OCIAD1: variants seen among roughly 807,000 people sequenced by gnomAD.
OCIAD1 encodes OCIA domain-containing protein 1.
A neutral mutation model predicts 38.9 loss-of-function variants in OCIAD1; 29 were observed. The ratio of observed to expected loss-of-function variants is 0.74; its 90% confidence interval spans 0.55 to 1.02. The LOEUF (loss-of-function observed/expected upper bound fraction) is 1.02. Among genes scored for constraint, OCIAD1 ranks in the 50% least tolerant of loss-of-function variants. The pLI, the probability that OCIAD1 is intolerant of heterozygous loss-of-function variation, is 0.00. For synonymous variants in OCIAD1, 110 were observed against 92.0 expected (o/e 1.20, Z -1.12); for missense variants, 288 against 289.6 (o/e 0.99, Z 0.04).
chr4:48,848,002 G>T (rs1252649123), intron 4 of OCIAD1, among the ~76,000 whole-genome samples: 1 of 150,626 alleles, frequency 6.6e-6, no homozygotes, highest in Admixed American at 6.6e-5. Flanking sequence ...ACTTGTCAGT[G>T]TAGAGATCTT....
chr4:48,817,779 GTT>G (rs1475266056), intron 1 of OCIAD1, among the ~76,000 whole-genome samples: 1 of 152,238 alleles, frequency 6.6e-6, no homozygotes, highest in African/African-American at 2.4e-5. Context: ...TTAGAAGGCA[GTT>G]TTCTCCTGAC....
intron 3 of OCIAD1, among the ~76,000 whole-genome samples, chr4:48,838,775 A>G (rs1778246476): frequency 6.6e-6 from 1 of 152,244 alleles, no homozygotes; most frequent in Non-Finnish European, 1.5e-5. Flanking sequence ...GTCTGTTAAA[A>G]TACTTATCCT....
chr4:48,852,882 G>GTTTTTTTGTTTTT (rs1779635252), intron 7 of OCIAD1, among the ~76,000 whole-genome samples: 2 of 126,338 alleles, frequency 1.6e-5, no homozygotes, highest in African/African-American at 6.3e-5. Context: ...TTTGTTTTTT[G>GTTTTTTTGTTTTT]TTTTTTTTTT....
At chr4:48,859,021 T>C (rs1420249423) in intron 8 of OCIAD1, among the ~76,000 whole-genome samples, 1 of 152,202 alleles carries the variant, frequency 6.6e-6, no homozygotes, top group African/African-American at 2.4e-5. Context: ...TTTACTACTT[T>C]AAAAATGGAA....
Position 48,850,027 on chromosome 4 carries a change from T to G in OCIAD1, c.322T>G (p.Ser108Ala). 6.2e-7 allele frequency: 1 copy of G among 1,613,428 alleles called. No individual in the cohort carries two copies. The highest frequency in any genetic ancestry group is 8.5e-7 in the Non-Finnish European group (1 of 1,179,822). The change falls in exon 6 of 9, where the codon TCC becomes GCC. Residue 108 changes from serine (S) to alanine (A), a missense_variant. Transcript: ENST00000264312. ...AGAGAAATTCAAGAAACTTGAAAAT[T>G]CCCCCCTTGGAGAAGCTTTACGATC... Reference protein sequence around the residue: ...CQEKFKKLENSPLGEALRSGQ... With the variant: ...CQEKFKKLENAPLGEALRSGQ...
chr4:48,832,859 T>G (rs1478782271), intron 2 of OCIAD1, 177 bp downstream of exon 2: 2 of 600,616 alleles, frequency 3.3e-6, no homozygotes, highest in Non-Finnish European at 3.0e-6. Flanking sequence ...GGATAAGGAG[T>G]CCCACGTTTT....
intron 4 of OCIAD1, among the ~76,000 whole-genome samples, chr4:48,845,484 G>A (rs570933479): frequency 1.3e-5 from 2 of 152,132 alleles, no homozygotes; most frequent in Admixed American, 1.3e-4. Context: ...CCTACCTCAG[G>A]CGATTCCTCT....
intron 1 of OCIAD1, among the ~76,000 whole-genome samples, chr4:48,824,473 T>C (rs1777228392): frequency 6.6e-6 from 1 of 152,094 alleles, no homozygotes; most frequent in African/African-American, 2.4e-5. Flanking sequence ...CCTGAACTCC[T>C]GGTCTCAAGT....
chr4:48,844,482 C>T (rs768286357), intron 4 of OCIAD1, among the ~76,000 whole-genome samples: 4 of 151,780 alleles, frequency 2.6e-5, no homozygotes, highest in Admixed American at 6.6e-5. Context: ...CGGGCGTGGT[C>T]GTGCGTGCCT....
At chr4:48,836,560 G>C (rs1368598932) in intron 3 of OCIAD1, among the ~76,000 whole-genome samples, 1 of 152,194 alleles carries the variant, frequency 6.6e-6, no homozygotes. Flanking sequence ...AATAAATTAA[G>C]TGTAGAGATA....
intron 1 of OCIAD1, among the ~76,000 whole-genome samples, chr4:48,820,765 A>G (rs1474728297): frequency 1.3e-5 from 2 of 152,242 alleles, no homozygotes; most frequent in African/African-American, 2.4e-5. Flanking sequence ...AGAATACTAT[A>G]AACACCACTA....
rs761335351 is a variant in OCIAD1 at position 48,848,433 on chromosome 4, C to T, written c.228C>T (p.Ile76=). The change falls in exon 5 of 9, where the codon ATC becomes ATT. Residue 76 remains isoleucine, a synonymous_variant. Transcript: ENST00000264312. Reference sequence around the variant, plus strand: ...CAAGTCATCCCAAATATGGTTCCATCCCTAAACTTATACGTAAGTATGAAC... The same window carrying T: ...CAAGTCATCCCAAATATGGTTCCATTCCTAAACTTATACGTAAGTATGAAC... The part of the protein sequence containing the change: ...ILSSHPKYGS[I]PKLILACIMG... 4.7e-6 allele frequency: 7 copies of T among 1,488,696 alleles called. No individual in the cohort carries two copies. The highest frequency in any genetic ancestry group is 6.5e-6 in the Non-Finnish European group (7 of 1,074,062). The allele number at this position is 1,488,696 out of a possible 1,614,324, so 92.2% of individuals were successfully genotyped here. A position where few individuals can be genotyped will look rare whatever the true frequency, so the allele number is the denominator to read the frequency against.
At chr4:48,813,600 A>C (rs943037324) in intron 1 of OCIAD1, among the ~76,000 whole-genome samples, 6 of 152,212 alleles carry the variant, frequency 3.9e-5, no homozygotes, top group African/African-American at 1.2e-4. Context: ...GTTGCAGTGA[A>C]CTGGGGATCA....
chr4:48,850,928 A>G (rs1779398892), intron 6 of OCIAD1, among the ~76,000 whole-genome samples: 1 of 152,218 alleles, frequency 6.6e-6, no homozygotes, highest in African/African-American at 2.4e-5. Context: ...GTTCTAGAAT[A>G]AAGGATTTTA....
Position 48,842,672 on chromosome 4 carries a change from A to G in OCIAD1, c.176A>G (p.Gln59Arg). The G allele has an allele frequency of 6.4e-7, 1 of 1,563,604 alleles. No homozygotes were observed. The change falls in exon 4 of 9, where the codon CAA (glutamine) becomes CGA (arginine). Residue 59 changes from glutamine (Q) to arginine (R), a missense_variant. Coordinates refer to ENST00000264312, the MANE Select transcript of OCIAD1 (RefSeq NM_017830.4). ...PLAATSMLIT[Q>R]GLISKGILSS... is the part of the protein sequence containing the mutation. ...GCTGCAACAAGTATGTTGATTACTCAAGGATTAATTAGTAAAGGTAAATAT... is the reference window on the plus strand; with the variant it reads ...GCTGCAACAAGTATGTTGATTACTCGAGGATTAATTAGTAAAGGTAAATAT...
intron 1 of OCIAD1, among the ~76,000 whole-genome samples, chr4:48,816,607 A>C (rs1160206028): frequency 1.3e-5 from 2 of 152,180 alleles, no homozygotes; most frequent in Non-Finnish European, 2.9e-5. Context: ...AAAACTTTGA[A>C]ATAATATCTT....
At chr4:48,836,370 T>C (rs2109527711) in intron 3 of OCIAD1, among the ~76,000 whole-genome samples, 1 of 152,348 alleles carries the variant, frequency 6.6e-6, no homozygotes, top group Non-Finnish European at 1.5e-5. Flanking sequence ...GGAGACTCAA[T>C]GATACCTCTG....
At position 48,832,673 on chromosome 4, in the gene OCIAD1, C is replaced by T; in HGVS notation, c.49C>T (p.Pro17Ser). ...FREPNAEVPR[P>S]IPHIGPDYIP... ...AGAGCCGAATGCAGAGGTTCCAAGA[C>T]CAATTCCCCGTAACTATCTATTAAG... Residue 17 changes from proline to serine, a missense_variant, in exon 2 of 9, where the codon CCA (proline) becomes TCA (serine). Pro to Ser is a moderately conservative substitution (Grantham distance 74, BLOSUM62 -1). Transcript: ENST00000264312. 1 of 1,610,244 alleles carries T rather than the reference C, an allele frequency of 6.2e-7. No individual in the cohort carries two copies. The highest frequency in any genetic ancestry group is 1.1e-5 in the South Asian group (1 of 91,000).
intron 5 of OCIAD1, among the ~76,000 whole-genome samples, chr4:48,849,316 A>G (rs1319559507): frequency 6.6e-6 from 1 of 152,102 alleles, no homozygotes; most frequent in African/African-American, 2.4e-5. Flanking sequence ...AAATAAATAA[A>G]TAAATAAAAG....
Sources: allele counts gnomAD v4.1 joint callset (sites outside exome capture counted in the v4.1 genomes callset), GRCh38; gene constraint gnomAD v4.1.1; transcripts MANE v1.5; gene names NCBI Gene and HGNC (gene_info 2026-07-23, HGNC 2026-07-21).